The following NAV3 variants were observed in gnomAD, a reference collection of about 807,000 sequenced individuals.
NAV3 encodes the protein neuron navigator 3.
Under a neutral mutation model 244.7 loss-of-function variants are expected in NAV3, and 87 were observed. The observed-to-expected ratio is 0.36, with a 90% confidence interval of 0.30 to 0.42. The LOEUF is 0.42. NAV3 is among the 20% of genes least tolerant of loss of function. NAV3 has a pLI of 1.00. For synonymous variants in NAV3, 1,126 were observed against 1,042.2 expected, an observed-to-expected ratio of 1.08 and a Z score of -1.55; for missense variants, 2,663 against 2,893.3, an observed-to-expected ratio of 0.92 and a Z score of 1.83.
chr12:77,680,162 C>T (rs544967379), intron 2 of NAV3, among the ~76,000 whole-genome samples: 1 of 152,180 alleles, frequency 6.6e-6, no homozygotes, highest in African/African-American at 2.4e-5. Flanking sequence ...GAATAGGATC[C>T]AGAGTTCCAG....
chr12:77,696,219 T>G (rs539590631), intron 2 of NAV3, among the ~76,000 whole-genome samples: 1 of 152,284 alleles, frequency 6.6e-6, no homozygotes, highest in South Asian at 2.1e-4. Context: ...CCTAGTGATT[T>G]GCTTATAACC....
intron 2 of NAV3, among the ~76,000 whole-genome samples, chr12:77,758,681 G>A (rs1592654537): frequency 6.6e-6 from 1 of 152,156 alleles, no homozygotes; most frequent in Admixed American, 6.5e-5. Flanking sequence ...TCTTTGAAAT[G>A]TTCTTTGTTA....
At chr12:77,834,319 A>G (rs1874243364) in intron 1 of NAV3, among the ~76,000 whole-genome samples, 1 of 152,212 alleles carries the variant, frequency 6.6e-6, no homozygotes, top group Non-Finnish European at 1.5e-5. Flanking sequence ...TATGTCTAAC[A>G]TAGCATTGTC....
chr12:77,900,727 A>G (rs567787822), intron 1 of NAV3, among the ~76,000 whole-genome samples: 1 of 152,212 alleles, frequency 6.6e-6, no homozygotes, highest in African/African-American at 2.4e-5. Flanking sequence ...TGGTTATATA[A>G]CCAGTAATGA....
chr12:78,199,261 A>G, intron 36 of NAV3, 74 bp from the exon 37 acceptor site: 1 of 1,104,926 alleles, frequency 9.1e-7, no homozygotes, highest in Non-Finnish European at 1.3e-6. Flanking sequence ...ATAAATAAAT[A>G]ATAATGATAA....
At chr12:78,205,240 C>T in intron 39 of NAV3, 102 bp downstream of exon 39, 1 of 1,240,914 alleles carries the variant, frequency 8.1e-7, no homozygotes, top group Non-Finnish European at 1.1e-6. Context: ...TCCTAAGCAA[C>T]ATTTGGAACA....
At chr12:78,140,234 G>C (rs201016449) in intron 19 of NAV3, 48 bp from the exon 20 acceptor site, 1 of 1,525,704 alleles carries the variant, frequency 6.6e-7, no homozygotes, top group Non-Finnish European at 9.1e-7. Flanking sequence ...TGGAATTTTT[G>C]AGTAGACCTT....
In NAV3 at chr12:78,075,105, A is replaced by G. The variant is rs936342128; in HGVS notation, c.2636+15990A>G. 2.0e-5 allele frequency among the ~76,000 whole-genome samples: 3 copies of G among 152,276 alleles called. No homozygotes were observed. In the East Asian group the frequency reaches 5.8e-4, roughly 29 times the overall value. The stretch of plus-strand genomic sequence containing the variant: ...GTGAGTCTACCTGATCAGGACTATC[A>G]CTGATCCTTTACTTTCCCTGTATAT... On this transcript the variant is annotated intron_variant, in intron 12 of 39. Coordinates refer to ENST00000397909, the MANE Select transcript of NAV3 (RefSeq NM_001024383.2).
intron 2 of NAV3, among the ~76,000 whole-genome samples, chr12:77,617,694 G>A (rs1871196468): frequency 6.6e-6 from 1 of 152,112 alleles, no homozygotes; most frequent in African/African-American, 2.4e-5. Flanking sequence ...AGAGTGAGGG[G>A]CTGGAAAATT....
chr12:77,846,905 C>G (rs923626514), intron 1 of NAV3, among the ~76,000 whole-genome samples: 11 of 151,996 alleles, frequency 7.2e-5, no homozygotes, highest in African/African-American at 2.4e-4. Context: ...AATACACTTT[C>G]CTTTTATGAA....
chr12:78,042,416 G>A (rs1404624822), intron 9 of NAV3, among the ~76,000 whole-genome samples: 1 of 152,200 alleles, frequency 6.6e-6, no homozygotes, highest in Non-Finnish European at 1.5e-5. Context: ...AACTGGAGAA[G>A]TAATTAAAAA....
intron 2 of NAV3, among the ~76,000 whole-genome samples, chr12:77,772,730 C>CT (rs977865036): frequency 6.6e-6 from 1 of 152,046 alleles, no homozygotes; most frequent in African/African-American, 2.4e-5. Flanking sequence ...AAAGAAATTC[C>CT]TTGATGGCTC....
At chr12:77,713,588 A>G (rs1876222803) in intron 2 of NAV3, among the ~76,000 whole-genome samples, 1 of 152,176 alleles carries the variant, frequency 6.6e-6, no homozygotes, top group Non-Finnish European at 1.5e-5. Context: ...GTTGAGCAGA[A>G]GTACTACTGC....
At chr12:78,110,462 C>T (rs1053548679) in intron 12 of NAV3, among the ~76,000 whole-genome samples, 5 of 151,900 alleles carry the variant, frequency 3.3e-5, no homozygotes, top group African/African-American at 1.2e-4. Flanking sequence ...GAGAACAGAG[C>T]CCAAATAGCC....
chr12:78,105,466 T>C (rs1954754276), intron 12 of NAV3, among the ~76,000 whole-genome samples: 1 of 152,124 alleles, frequency 6.6e-6, no homozygotes, highest in African/African-American at 2.4e-5. Flanking sequence ...CTCTCTGTAT[T>C]ACTTGTTTAT....
At chr12:77,597,343 G>A (rs1263060295) in intron 2 of NAV3, among the ~76,000 whole-genome samples, 1 of 152,022 alleles carries the variant, frequency 6.6e-6, no homozygotes, top group Non-Finnish European at 1.5e-5. Flanking sequence ...CTTGCTTCTA[G>A]GCCTGTCTCT....
intron 21 of NAV3, among the ~76,000 whole-genome samples, chr12:78,148,038 A>G (rs1263364560): frequency 1.3e-5 from 2 of 152,132 alleles, no homozygotes; most frequent in African/African-American, 2.4e-5. Context: ...TAAACATGAT[A>G]TAATATATCC....
intron 12 of NAV3, among the ~76,000 whole-genome samples, chr12:78,066,766 T>C (rs1885069347): frequency 6.6e-6 from 1 of 152,092 alleles, no homozygotes; most frequent in South Asian, 2.1e-4. Context: ...TGATGGATTG[T>C]TTTGATTTGT....
intron 1 of NAV3, among the ~76,000 whole-genome samples, chr12:77,866,657 AT>A (rs1880079477): frequency 6.6e-6 from 1 of 152,248 alleles, no homozygotes; most frequent in Non-Finnish European, 1.5e-5. Context: ...GTGCCCTTTG[AT>A]TAGGATTTAA....
Sources: gnomAD v4.1 joint callset for allele counts (sites outside exome capture counted in the v4.1 genomes callset) on GRCh38, gnomAD v4.1.1 for gene constraint, MANE v1.5 for transcripts, NCBI Gene and HGNC (gene_info 2026-07-23, HGNC 2026-07-21) for gene names.